ADAM9: variants seen among roughly 807,000 people sequenced by gnomAD.
ADAM9 encodes disintegrin and metalloproteinase domain-containing protein 9.
ADAM9 carries 54 observed loss-of-function variants against 108.1 expected under a neutral mutation model. The ratio of observed to expected loss-of-function variants is 0.50; its 90% confidence interval spans 0.40 to 0.63. The LOEUF (loss-of-function observed/expected upper bound fraction) is 0.63, where lower values mean the gene tolerates loss of function less well. Ranked by LOEUF, ADAM9 falls within the 20% of genes least tolerant of loss-of-function variation. The pLI is 0.00. For missense variants in ADAM9, 830 were observed against 997.7 expected, an observed-to-expected ratio of 0.83 and a Z score of 2.26; for synonymous variants, 316 against 336.0, an observed-to-expected ratio of 0.94 and a Z score of 0.65.
chr8:39,027,149 G>A (rs895455079), intron 11 of ADAM9, among the ~76,000 whole-genome samples: 7 of 152,150 alleles, frequency 4.6e-5, no homozygotes, highest in South Asian at 2.1e-4. Flanking sequence ...TAAGAACATG[G>A]CAAAGTTTAT....
At chr8:39,019,937 G>A (rs1213672100) in intron 7 of ADAM9, among the ~76,000 whole-genome samples, 1 of 152,194 alleles carries the variant, frequency 6.6e-6, no homozygotes, top group African/African-American at 2.4e-5. Context: ...CAAACAGTGG[G>A]CAAAAAGCTT....
In ADAM9 at chr8:39,103,734, G is replaced by A. The variant is rs769911929; in HGVS notation, c.*34G>A. 2.5e-6 allele frequency: 4 copies of A among 1,586,902 alleles called. No homozygotes were observed. Among genetic ancestry groups the A allele is most frequent in the Non-Finnish European group, 3.5e-6 (4 of 1,155,898 alleles). Reference sequence around the variant, plus strand: ...ACCTTCTTTTTGCAAATGTCTTCAGGGAACTGAGCTAATACTTTTTTTTTT... The same window carrying A: ...ACCTTCTTTTTGCAAATGTCTTCAGAGAACTGAGCTAATACTTTTTTTTTT... On this transcript the variant is annotated 3_prime_UTR_variant, in exon 22 of 22. Transcript: ENST00000487273.
At chr8:39,045,564 G>A (rs1426072535) in intron 12 of ADAM9, among the ~76,000 whole-genome samples, 1 of 58,976 alleles carries the variant, frequency 1.7e-5, no homozygotes, top group African/African-American at 6.9e-5. Context: ...GTATATGTGT[G>A]TGTGTGTATA....
chr8:39,026,063 T>C (rs886714498), intron 10 of ADAM9, among the ~76,000 whole-genome samples, 179 bp downstream of exon 10: 2 of 152,244 alleles, frequency 1.3e-5, no homozygotes, highest in South Asian at 4.1e-4. Flanking sequence ...AAATATGTGC[T>C]ATGTGTTTAT....
intron 15 of ADAM9, among the ~76,000 whole-genome samples, chr8:39,072,297 T>C (rs1838719246): frequency 6.6e-6 from 1 of 152,206 alleles, no homozygotes; most frequent in Admixed American, 6.5e-5. Context: ...TATCATTGCT[T>C]CTACCCATTC....
At chr8:39,044,513 C>T (rs1201610811) in intron 12 of ADAM9, among the ~76,000 whole-genome samples, 1 of 151,948 alleles carries the variant, frequency 6.6e-6, no homozygotes, top group East Asian at 1.9e-4. Flanking sequence ...ATATTGTATC[C>T]TGGTGGGGAT....
intron 20 of ADAM9, among the ~76,000 whole-genome samples, chr8:39,094,735 T>G (rs1839448612): frequency 6.6e-6 from 1 of 152,112 alleles, no homozygotes; most frequent in South Asian, 2.1e-4. Context: ...CTTATAAAAC[T>G]TTCTATTTCT....
chr8:39,015,975 A>T, intron 4 of ADAM9, 143 bp from the exon 5 acceptor site: 2 of 732,230 alleles, frequency 2.7e-6, no homozygotes, highest in Non-Finnish European at 4.7e-6. Context: ...GCCATGTGAT[A>T]CTGTGAGATG....
intron 15 of ADAM9, among the ~76,000 whole-genome samples, chr8:39,075,335 T>C (rs996891185): frequency 2.0e-5 from 3 of 152,218 alleles, no homozygotes; most frequent in Admixed American, 6.5e-5. Context: ...TAAGTGGCAA[T>C]GACCAGATCT....
At position 39,080,366 on chromosome 8, in the gene ADAM9, C is replaced by A. The variant is rs550124654; in HGVS notation, c.1882-2275C>A. ...AACATATATCAATGTATTTTTAAGA[C>A]CTTTTGTCTTTCTGGATTTTATTGC... On this transcript the variant is annotated intron_variant, in intron 16 of 21. Transcript: ENST00000487273. Among the ~76,000 whole-genome samples the A allele has an allele frequency of 3.9e-4, 59 of 152,114 alleles. No individual in the cohort carries two copies. In the Middle Eastern group the frequency reaches 0.01, roughly 26 times the overall value.
chr8:39,087,780 T>G (rs1326561842), intron 18 of ADAM9, among the ~76,000 whole-genome samples: 1 of 152,216 alleles, frequency 6.6e-6, no homozygotes, highest in African/African-American at 2.4e-5. Context: ...CTTGCTTTAA[T>G]TTTTTATACA....
At chr8:39,026,933 A>C in intron 11 of ADAM9, 123 bp downstream of exon 11, 1 of 1,318,598 alleles carries the variant, frequency 7.6e-7, no homozygotes. Flanking sequence ...TGCTGAAATT[A>C]ATTGCATGAC....
chr8:39,040,639 C>T (rs575347593), intron 11 of ADAM9, among the ~76,000 whole-genome samples: 1 of 152,238 alleles, frequency 6.6e-6, no homozygotes, highest in South Asian at 2.1e-4. Context: ...CAGATATTTT[C>T]TCCCAATCTG....
At chr8:39,102,721 G>T (rs1161335857) in intron 21 of ADAM9, among the ~76,000 whole-genome samples, 1 of 152,164 alleles carries the variant, frequency 6.6e-6, no homozygotes, top group Non-Finnish European at 1.5e-5. Context: ...TAACTATGAT[G>T]TCATGGAATT....
intron 16 of ADAM9, among the ~76,000 whole-genome samples, chr8:39,081,499 T>C (rs141964809): frequency 1.3e-5 from 2 of 152,320 alleles, no homozygotes; most frequent in African/African-American, 4.8e-5. Context: ...CTCTAAAGAC[T>C]TGCGGATGTA....
At chr8:39,045,249 T>TATGTGTATATATGTGTATACATAC (rs1837657739) in intron 12 of ADAM9, among the ~76,000 whole-genome samples, 1 of 140,096 alleles carries the variant, frequency 7.1e-6, no homozygotes, top group Non-Finnish European at 1.6e-5. Context: ...TATACATACA[T>TATGTGTATATATGTGTATACATAC]ATATGTGTAT....
intron 15 of ADAM9, among the ~76,000 whole-genome samples, chr8:39,073,629 G>A (rs1838764652): frequency 6.6e-6 from 1 of 152,086 alleles, no homozygotes; most frequent in Admixed American, 6.5e-5. Flanking sequence ...AGAATGAATG[G>A]GTGGAGAATT....
intron 15 of ADAM9, among the ~76,000 whole-genome samples, chr8:39,074,410 A>G (rs1449251225): frequency 6.6e-6 from 1 of 152,174 alleles, no homozygotes; most frequent in East Asian, 1.9e-4. Context: ...GATGAACACC[A>G]ATATATCCCA....
At chr8:39,085,449 T>G (rs549478183) in intron 18 of ADAM9, among the ~76,000 whole-genome samples, 1 of 152,364 alleles carries the variant, frequency 6.6e-6, no homozygotes, top group South Asian at 2.1e-4. Flanking sequence ...TATGTAAATT[T>G]GCATTTCAAT....
Sources: gnomAD v4.1 joint callset for allele counts (sites outside exome capture counted in the v4.1 genomes callset) on GRCh38, gnomAD v4.1.1 for gene constraint, MANE v1.5 for transcripts, NCBI Gene and HGNC (gene_info 2026-07-23, HGNC 2026-07-21) for gene names.